Variants in HINT3 observed in about 807,000 individuals in gnomAD.
HINT3 encodes the protein histidine triad nucleotide binding protein 3, also known as adenosine 5'-monophosphoramidase HINT3.
Under a neutral mutation model 19.1 loss-of-function variants are expected in HINT3, and 16 were observed. That is an observed-to-expected ratio of 0.84 (90% CI 0.57 to 1.27). HINT3 has a LOEUF of 1.27. HINT3 is among the 50% of genes most tolerant of loss of function. The probability of loss-of-function intolerance (pLI) is 0.00; values close to 1 mark genes in which losing one functional copy is unlikely to be tolerated. For missense variants in HINT3, 197 were observed against 225.8 expected, an observed-to-expected ratio of 0.87 and a Z score of 0.82; for synonymous variants, 75 against 84.8, an observed-to-expected ratio of 0.88 and a Z score of 0.63.
intron 3 of HINT3, among the ~76,000 whole-genome samples, chr6:125,974,319 A>C (rs1789149868): frequency 6.6e-6 from 1 of 152,236 alleles, no homozygotes; most frequent in Non-Finnish European, 1.5e-5. Flanking sequence ...TTAAGTATTA[A>C]ACAAGAAACC....
intron 3 of HINT3, 119 bp from the exon 4 acceptor site, chr6:125,974,728 G>T: frequency 1.1e-6 from 1 of 907,802 alleles, no homozygotes. Context: ...TGAGATTTGT[G>T]ACAGTCTATT....
chr6:125,960,671 A>AGGGGGAGG (rs1562211533), intron 1 of HINT3, among the ~76,000 whole-genome samples: 33 of 92,504 alleles, frequency 3.6e-4, no homozygotes, highest in East Asian at 1.6e-3. Context: ...GGGGGAAAAA[A>AGGGGGAGG]AAAGAAGTTA....
At chr6:125,966,201 A>G (rs1789015482) in intron 1 of HINT3, among the ~76,000 whole-genome samples, 1 of 152,056 alleles carries the variant, frequency 6.6e-6, no homozygotes, top group African/African-American at 2.4e-5. Flanking sequence ...AAATGTTAAT[A>G]GGTTGAAACA....
intron 4 of HINT3, 101 bp from the exon 5 acceptor site, chr6:125,977,543 C>G (rs1789196177): frequency 1.8e-6 from 1 of 559,268 alleles, no homozygotes; most frequent in South Asian, 3.2e-5. Flanking sequence ...ATATATAGTA[C>G]TCAACTCTTC....
intron 1 of HINT3, among the ~76,000 whole-genome samples, chr6:125,959,842 CT>C (rs2128710373): frequency 6.6e-6 from 1 of 152,328 alleles, no homozygotes; most frequent in East Asian, 1.9e-4. Flanking sequence ...TCCTCACTCT[CT>C]GTGTGCCAGG....
At chr6:125,974,664 TGAAAA>T (rs1472712056) in intron 3 of HINT3, among the ~76,000 whole-genome samples, 178 bp from the exon 4 acceptor site, 2 of 152,206 alleles carry the variant, frequency 1.3e-5, no homozygotes, top group African/African-American at 4.8e-5. Context: ...AACTTCAACA[TGAAAA>T]GAAGAGGAAG....
intron 1 of HINT3, among the ~76,000 whole-genome samples, chr6:125,965,611 T>A (rs1287505766): frequency 6.6e-6 from 1 of 151,894 alleles, no homozygotes; most frequent in Non-Finnish European, 1.5e-5. Flanking sequence ...TATATATATA[T>A]AGCCTGGCAT....
intron 1 of HINT3, among the ~76,000 whole-genome samples, chr6:125,958,455 C>A (rs1298741869): frequency 6.6e-6 from 1 of 152,098 alleles, no homozygotes; most frequent in East Asian, 1.9e-4. Flanking sequence ...TTTGAAAGGT[C>A]ATTCTGGCAT....
At chr6:125,972,373 G>A (rs774138084) in intron 3 of HINT3, 45 bp downstream of exon 3, 29 of 1,168,522 alleles carry the variant, frequency 2.5e-5, no homozygotes, top group Non-Finnish European at 3.0e-5. Flanking sequence ...CATTATTGAC[G>A]TTTTTCAAAA....
At chr6:125,966,249 G>C (rs897675725) in intron 1 of HINT3, among the ~76,000 whole-genome samples, 1 of 152,140 alleles carries the variant, frequency 6.6e-6, no homozygotes, top group Non-Finnish European at 1.5e-5. Flanking sequence ...GTAGATTACT[G>C]TGTGGGGTAA....
intron 1 of HINT3, among the ~76,000 whole-genome samples, chr6:125,963,480 T>A (rs1788973915): frequency 6.6e-6 from 1 of 152,184 alleles, no homozygotes; most frequent in Non-Finnish European, 1.5e-5. Context: ...CAGTCTGCCC[T>A]ATTTGGGTTT....
Position 125,966,814 on chromosome 6 carries a change from A to T in HINT3, c.202-73A>T, listed in dbSNP as rs1789023736. On this transcript the variant is annotated intron_variant, in intron 1 of 4. Transcript: ENST00000229633. ...TTTCCCTGTCAGACTGAGATTAATGATATTTAAGTCATGCCAGAACAGCAT... is the reference window on the plus strand; with the variant it reads ...TTTCCCTGTCAGACTGAGATTAATGTTATTTAAGTCATGCCAGAACAGCAT... 13 of 936,074 alleles carry T rather than the reference A, an allele frequency of 1.4e-5. No individual in the cohort carries two copies. In the South Asian group the frequency reaches 1.8e-4, roughly 13 times the overall value. 58.0% of individuals were successfully genotyped at this position (936,074 alleles called of 1,614,324 possible).
At position 125,978,028 on chromosome 6, in the gene HINT3, A is replaced by G. The variant is rs1472381149; in HGVS notation, c.*352A>G. ...AGTCAGTTATAATAGTGATTTATTT[A>G]TGAAGAATAAACTACTATAGAAAGT... On this transcript the variant is annotated 3_prime_UTR_variant, in exon 5 of 5. Coordinates refer to ENST00000229633, the MANE Select transcript of HINT3 (RefSeq NM_138571.5). The G allele has an allele frequency of 6.0e-6, 1 of 167,408 alleles. No homozygotes were observed. The allele number at this position is 167,408 out of a possible 1,614,324, so 10.4% of individuals were successfully genotyped here.
At chr6:125,973,797 T>C (rs1189066865) in intron 3 of HINT3, among the ~76,000 whole-genome samples, 1 of 152,240 alleles carries the variant, frequency 6.6e-6, no homozygotes, top group Non-Finnish European at 1.5e-5. Context: ...TTGAGAGCCC[T>C]GAGTCTCAAC....
At chr6:125,973,082 T>TC (rs1377232629) in intron 3 of HINT3, among the ~76,000 whole-genome samples, 1 of 126,878 alleles carries the variant, frequency 7.9e-6, no homozygotes, top group Non-Finnish European at 1.7e-5. Context: ...TTTTTTTTTT[T>TC]TTTTTTTTTT....
In HINT3 at chr6:125,962,237, C is replaced by T. The variant is rs369348481; in HGVS notation, c.202-4650C>T. ...ACATATATATATATATATATATACACATATATATATATACACACATATATA... is the reference window on the plus strand; with the variant it reads ...ACATATATATATATATATATATACATATATATATATATACACACATATATA... On this transcript the variant is annotated intron_variant, in intron 1 of 4. Transcript: ENST00000229633. Among the ~76,000 whole-genome samples the T allele has an allele frequency of 4.1e-3, 65 of 15,712 alleles. 2 individuals carry two copies. The highest frequency in any genetic ancestry group is 0.038 in the Middle Eastern group (1 of 26). 10.3% of individuals were successfully genotyped at this position (15,712 alleles called of 152,430 possible). A position where few individuals can be genotyped will look rare whatever the true frequency, so the allele number is the denominator to read the frequency against.
At chr6:125,962,265 T>TACAC (rs1355084855) in intron 1 of HINT3, among the ~76,000 whole-genome samples, 1 of 46,614 alleles carries the variant, frequency 2.1e-5, no homozygotes, top group African/African-American at 1.4e-4. Flanking sequence ...CATATATATA[T>TACAC]ATATACATAC....
intron 1 of HINT3, among the ~76,000 whole-genome samples, chr6:125,965,283 T>G (rs951929750): frequency 2.0e-5 from 3 of 152,188 alleles, no homozygotes; most frequent in South Asian, 2.1e-4. Flanking sequence ...TGCTGTGAGG[T>G]AGAGTACAGC....
At chr6:125,966,198 A>G (rs1583589553) in intron 1 of HINT3, among the ~76,000 whole-genome samples, 1 of 151,996 alleles carries the variant, frequency 6.6e-6, no homozygotes, top group South Asian at 2.1e-4. Flanking sequence ...TTCAAATGTT[A>G]ATAGGTTGAA....
Sources: gnomAD v4.1 joint callset for allele counts (sites outside exome capture counted in the v4.1 genomes callset) on GRCh38, gnomAD v4.1.1 for gene constraint, MANE v1.5 for transcripts, NCBI Gene and HGNC (gene_info 2026-07-23, HGNC 2026-07-21) for gene names.